Variants in LRRD1 observed in about 807,000 individuals in gnomAD.
LRRD1 encodes leucine rich repeats and death domain containing 1, also known as leucine-rich repeat and death domain-containing protein 1.
LRRD1 carries 49 observed loss-of-function variants against 69.5 expected under a neutral mutation model. The ratio of observed to expected loss-of-function variants is 0.70; its 90% CI spans 0.56 to 0.89. LRRD1 has a LOEUF of 0.89. LRRD1 is among the 40% of genes least tolerant of loss of function. The pLI is 0.00. For missense variants in LRRD1, 853 were observed against 956.0 expected (o/e 0.89, Z 1.42); for synonymous variants, 303 against 338.9 (o/e 0.89, Z 1.16).
rs1788879875 is a variant in LRRD1 at position 92,165,124 on chromosome 7, T to C, written c.79A>G (p.Met27Val). ...TCTTTAATAAAGCCAGGCTCCTTCA[T>C]TGACTGTGATCTAGATTCTTTCCTA... Reference protein sequence around the residue: ...QFRKESRSQSMKEPGFIKETS... With the variant: ...QFRKESRSQSVKEPGFIKETS... The change falls in exon 2 of 6, where the codon ATG (methionine) becomes GTG (valine). Residue 27 changes from methionine to valine, a missense_variant. This residue lies in a region of LRRD1 where 99 missense variants were observed against 107.0 expected (regional missense o/e 0.92). Coordinates refer to ENST00000458448, the MANE Select transcript of LRRD1 (RefSeq NM_001161528.2). 5.8e-6 allele frequency: 9 copies of C among 1,551,116 alleles called. No homozygotes were observed. In the East Asian group the frequency reaches 1.2e-4, roughly 21 times the overall value.
At chr7:92,174,491 ATATATATATATATATATATTTTTTTTTT>A (rs1310000668) in intron 1 of LRRD1, among the ~76,000 whole-genome samples, 1 of 15,570 alleles carries the variant, frequency 6.4e-5, no homozygotes, top group Non-Finnish European at 1.4e-4. Flanking sequence ...ATATATATAT[ATATATATATATATATATATTTTTTTTTT>A]TTTTTTTTTT....
chr7:92,156,640 A>G (rs1368944906), intron 3 of LRRD1, among the ~76,000 whole-genome samples: 2 of 152,224 alleles, frequency 1.3e-5, no homozygotes, highest in Admixed American at 6.5e-5. Flanking sequence ...TTAACTCTGT[A>G]TACGGCAATC....
intron 4 of LRRD1, chr7:92,149,930 C>T (rs1820423947): frequency 2.2e-6 from 1 of 456,146 alleles, no homozygotes; most frequent in Admixed American, 2.4e-5. Flanking sequence ...TTGAGTCTGG[C>T]CACAATCTCA....
intron 5 of LRRD1, 22 bp downstream of exon 5, chr7:92,146,061 A>C: frequency 8.0e-7 from 1 of 1,252,258 alleles, no homozygotes; most frequent in Non-Finnish European, 1.1e-6. Flanking sequence ...AATTTGTACT[A>C]AATGCTGTCA....
chr7:92,159,780 C>T (rs1174496803), intron 2 of LRRD1, among the ~76,000 whole-genome samples: 1 of 151,942 alleles, frequency 6.6e-6, no homozygotes. Flanking sequence ...CAGCACCACG[C>T]CCAGCTAATT....
chr7:92,155,728 C>T (rs1788641123), intron 3 of LRRD1, among the ~76,000 whole-genome samples: 1 of 152,234 alleles, frequency 6.6e-6, no homozygotes, highest in Non-Finnish European at 1.5e-5. Flanking sequence ...GTCCCGAAAC[C>T]TCAAAAGTAG....
In LRRD1 at chr7:92,147,473, G is replaced by GTGTTTTGTTTTGTTT. The variant is rs66668611; in HGVS notation, c.2279-1288_2279-1274dup. ...TTCTGGCTTTTTTATGTGCGTGGGTGTGTTTTGTTTTGTTTTGTTTTGTTT... is the reference window on the plus strand; with the variant it reads ...TTCTGGCTTTTTTATGTGCGTGGGTGTGTTTTGTTTTGTTTTGTTTTGTTTTGTTTTGTTTTGTTT... On this transcript the variant is annotated intron_variant, in intron 4 of 5. Coordinates refer to ENST00000458448, the MANE Select transcript of LRRD1 (RefSeq NM_001161528.2). Among the ~76,000 whole-genome samples, 409 of 149,928 alleles carry GTGTTTTGTTTTGTTT rather than the reference G, an allele frequency of 2.7e-3. 2 individuals carry two copies. Among genetic ancestry groups the GTGTTTTGTTTTGTTT allele is most frequent in the African/African-American group, 5.1e-3 (207 of 40,698 alleles).
downstream of LRRD1, chr7:92,141,947 A>AT (rs35436274): frequency 0.031 from 4,566 of 146,454 alleles, 90 homozygotes; most frequent in Middle Eastern, 0.054. Context: ...TGTCCACAAT[A>AT]TTTTTTTTTT....
rs770837207 is a variant in LRRD1 at position 92,163,308 on chromosome 7, A to T, written c.1895T>A (p.Ile632Lys). ...TACCTTTCTCCCTTTTATCTGACTT[A>T]TATTCAGCTGTTCCAGTGATTGAAG... ...CQLQSLEQLN[I>K]SQIKGRKLTR... The change falls in exon 2 of 6, where the codon ATA (isoleucine) becomes AAA (lysine). Residue 632 changes from isoleucine to lysine, a missense_variant. Ile to Lys is a moderately radical substitution (Grantham distance 102). Coordinates refer to ENST00000458448, the MANE Select transcript of LRRD1 (RefSeq NM_001161528.2). The T allele has an allele frequency of 6.7e-7, 1 of 1,496,490 alleles. No homozygotes were observed. Among genetic ancestry groups the T allele is most frequent in the Admixed American group, 2.5e-5 (1 of 39,612 alleles). 92.7% of individuals were successfully genotyped at this position (1,496,490 alleles called of 1,614,324 possible).
At chr7:92,144,484 C>T (rs917503503), downstream of LRRD1, among the ~76,000 whole-genome samples, 5 of 151,678 alleles carry the variant, frequency 3.3e-5, no homozygotes, top group East Asian at 1.9e-4. Context: ...AAAATTATCC[C>T]GGCGTGGTGG....
At chr7:92,145,131 T>A in intron 5 of LRRD1, 57 bp from the exon 6 acceptor site, 1 of 865,516 alleles carries the variant, frequency 1.2e-6, no homozygotes, top group Non-Finnish European at 1.6e-6. Context: ...TTTAATATAT[T>A]TAAATTACTG....
At chr7:92,144,032 G>A (rs1461250127), downstream of LRRD1, among the ~76,000 whole-genome samples, 1 of 152,152 alleles carries the variant, frequency 6.6e-6, no homozygotes, top group Non-Finnish European at 1.5e-5. Flanking sequence ...CCTATGAAAG[G>A]TTTTCTGATA....
At chr7:92,146,985 A>G (rs942157875) in intron 4 of LRRD1, among the ~76,000 whole-genome samples, 1 of 151,976 alleles carries the variant, frequency 6.6e-6, no homozygotes, top group Non-Finnish European at 1.5e-5. Flanking sequence ...AATTTGAAAC[A>G]TTTGACATTT....
intron 1 of LRRD1, among the ~76,000 whole-genome samples, chr7:92,178,262 G>A (rs1300050434): frequency 1.3e-5 from 2 of 152,096 alleles, no homozygotes; most frequent in East Asian, 1.9e-4. Flanking sequence ...GCGGTGAGCC[G>A]AGATCACGCC....
intron 1 of LRRD1, among the ~76,000 whole-genome samples, chr7:92,176,514 G>A (rs555488016): frequency 6.6e-6 from 1 of 150,548 alleles, no homozygotes; most frequent in African/African-American, 2.4e-5. Context: ...AGCTATCTTT[G>A]TCTTGTTCCT....
chr7:92,148,859 T>C (rs1820397260), intron 4 of LRRD1, among the ~76,000 whole-genome samples: 2 of 152,140 alleles, frequency 1.3e-5, no homozygotes, highest in Admixed American at 6.5e-5. Flanking sequence ...GCGATTCTCC[T>C]GCTTCAGCCT....
At chr7:92,145,186 G>T in intron 5 of LRRD1, 112 bp from the exon 6 acceptor site, 1 of 537,620 alleles carries the variant, frequency 1.9e-6, no homozygotes, top group Non-Finnish European at 2.7e-6. Context: ...TTAAACTCCT[G>T]TAATATTGTA....
intron 4 of LRRD1, among the ~76,000 whole-genome samples, chr7:92,149,482 T>C (rs1439350074): frequency 6.6e-6 from 1 of 152,164 alleles, no homozygotes; most frequent in African/African-American, 2.4e-5. Context: ...AGGGAAAGAA[T>C]TGGACAGTGA....
intron 1 of LRRD1, among the ~76,000 whole-genome samples, chr7:92,177,362 G>T (rs1451203578): frequency 6.6e-6 from 1 of 152,024 alleles, no homozygotes; most frequent in East Asian, 1.9e-4. Context: ...TTCCCTGAAG[G>T]TTCAGTAAAA....
Sources: gnomAD v4.1 joint callset for allele counts (sites outside exome capture counted in the v4.1 genomes callset) on GRCh38, gnomAD v4.1.1 for gene constraint, gnomAD v4.1.1 regional missense constraint, MANE v1.5 for transcripts, NCBI Gene and HGNC (gene_info 2026-07-23, HGNC 2026-07-21) for gene names.